RFC1: variants seen among roughly 807,000 people sequenced by gnomAD.
The protein encoded by RFC1 is A1 140 kDa subunit.
A neutral mutation model predicts 137.4 loss-of-function variants in RFC1; 37 were observed. The ratio of observed to expected loss-of-function variants is 0.27; its 90% confidence interval spans 0.21 to 0.35. The LOEUF (loss-of-function observed/expected upper bound fraction) is 0.35. RFC1 is among the 10% of genes least tolerant of loss of function. RFC1 has a pLI of 1.00. For synonymous variants in RFC1, 429 were observed against 455.7 expected (o/e 0.94, Z 0.75); for missense variants, 1,205 against 1,358.5 (o/e 0.89, Z 1.78).
rs779956869 is a variant in RFC1, at chr4:39,312,800, T to G, written c.1335A>C (p.Thr445=). Reference sequence around the variant, plus strand: ...TATCACGACCCATGACAAGATAATTTGTTTTCTTGCTGACATTTCCTGTTA... The same window carrying G: ...TATCACGACCCATGACAAGATAATTGGTTTTCTTGCTGACATTTCCTGTTA... ...GKVTGNVSKK[T]NYLVMGRDSG... The change falls in exon 11 of 25, where the codon ACA becomes ACC. Residue 445 remains threonine, a synonymous_variant. Transcript: ENST00000349703. The G allele has an allele frequency of 6.2e-7, 1 of 1,614,142 alleles. No homozygotes were observed. The highest frequency in any genetic ancestry group is 2.2e-5 in the East Asian group (1 of 44,878).
Position 39,312,907 on chromosome 4 carries a change from G to A in RFC1, c.1228C>T (p.Leu410Phe). The A allele has an allele frequency of 6.2e-7, 1 of 1,612,190 alleles. No individual in the cohort carries two copies. The highest frequency in any genetic ancestry group is 8.5e-7 in the Non-Finnish European group (1 of 1,178,898). ...AGCACGCCTGTGATTACAAATATAAGGCCTTCCAAGCAATTTTCAGCTCCC... is the reference window on the plus strand; with the variant it reads ...AGCACGCCTGTGATTACAAATATAAAGCCTTCCAAGCAATTTTCAGCTCCC... ...PKGAENCLEG[L>F]IFVITGVLES... Residue 410 changes from leucine to phenylalanine, a missense_variant, in exon 11 of 25, where the codon CTT becomes TTT. Coordinates refer to ENST00000349703, the MANE Select transcript of RFC1 (RefSeq NM_002913.5).
intron 13 of RFC1, among the ~76,000 whole-genome samples, 168 bp from the exon 14 acceptor site, chr4:39,306,869 A>G (rs1284621834): frequency 6.6e-6 from 1 of 152,368 alleles, no homozygotes; most frequent in East Asian, 1.9e-4. Context: ...CAGAGCATTC[A>G]GTGAAATTCT....
In RFC1 at chr4:39,287,692, T is replaced by C. The variant is rs1349411971; in HGVS notation, c.*1069A>G. ...AACAAGATTAAAAAATAGCTAGACA[T>C]CTAAATTCCAGGCTAGGTCCATAGC... On this transcript the variant is annotated 3_prime_UTR_variant, in exon 25 of 25. Coordinates refer to ENST00000349703, the MANE Select transcript of RFC1 (RefSeq NM_002913.5). 1 of 152,068 alleles carries C rather than the reference T, an allele frequency of 6.6e-6. No homozygotes were observed. The highest frequency in any genetic ancestry group is 1.9e-4 in the East Asian group (1 of 5,196). 9.4% of individuals were successfully genotyped at this position (152,068 alleles called of 1,614,324 possible).
chr4:39,351,570 G>GTAATTTT, intron 1 of RFC1, 94 bp from the exon 2 acceptor site: 1 of 1,094,604 alleles, frequency 9.1e-7, no homozygotes, highest in Non-Finnish European at 1.2e-6. Context: ...GTACACACTG[G>GTAATTTT]GTTACCCTGA....
rs964088080 is a variant in RFC1 at position 39,338,294 on chromosome 4, A to G, written c.331+4051T>C. Among the ~76,000 whole-genome samples the G allele has an allele frequency of 6.6e-5, 10 of 152,352 alleles. No homozygotes were observed. The East Asian group carries it at 1.9e-3, about 29-fold the overall frequency. Reference sequence around the variant, plus strand: ...ATGAAAAATATTTCTCATGGAGTGAAACGGAAAGCCTAAAAATCTGTATAA... The same window carrying G: ...ATGAAAAATATTTCTCATGGAGTGAGACGGAAAGCCTAAAAATCTGTATAA... On this transcript the variant is annotated intron_variant, in intron 4 of 24. Coordinates refer to ENST00000349703, the MANE Select transcript of RFC1 (RefSeq NM_002913.5).
chr4:39,355,599 T>C (rs2109768582), intron 1 of RFC1, among the ~76,000 whole-genome samples: 1 of 152,236 alleles, frequency 6.6e-6, no homozygotes, highest in East Asian at 1.9e-4. Context: ...AGCAGATAAG[T>C]TAAAACTTGA....
intron 14 of RFC1, 23 bp downstream of exon 14, chr4:39,306,569 C>A (rs1458285481): frequency 2.2e-6 from 3 of 1,374,834 alleles, no homozygotes; most frequent in South Asian, 1.2e-5. Flanking sequence ...ATCTGTCCGA[C>A]CACACTGTGA....
At chr4:39,365,943 A>G (rs1405126151) in intron 1 of RFC1, among the ~76,000 whole-genome samples, 1 of 152,164 alleles carries the variant, frequency 6.6e-6, no homozygotes, top group East Asian at 1.9e-4. Flanking sequence ...TCCCAAAACC[A>G]CCATCCTTCC....
chr4:39,360,097 T>A (rs1741676144), intron 1 of RFC1, among the ~76,000 whole-genome samples: 1 of 152,188 alleles, frequency 6.6e-6, no homozygotes. Context: ...CCGGGTGCAG[T>A]GGCTGACACC....
In RFC1 at chr4:39,327,628, G is replaced by T; in HGVS notation, c.460C>A (p.Pro154Thr). 1 of 1,613,568 alleles carries T rather than the reference G, an allele frequency of 6.2e-7. No homozygotes were observed. ...GGTGTAAGTTTTATTGGTGATAAAG[G>T]CTTATTCTTGGTCTTAGTGTTTTCT... Reference protein sequence around the residue: ...NEENTKTKNKPLSPIKLTPTS... With the variant: ...NEENTKTKNKTLSPIKLTPTS... The change falls in exon 5 of 25, where the codon CCT becomes ACT. Residue 154 changes from proline (P) to threonine (T), a missense_variant. By Grantham distance (38) the Pro-to-Thr change is conservative. Around this residue, in one of 3 missense-constraint regions of RFC1, gnomAD observed 962 missense variants for 1,035.3 expected, o/e 0.93. Transcript: ENST00000349703.
chr4:39,363,898 AAAAAG>A (rs1285020213), intron 1 of RFC1, among the ~76,000 whole-genome samples: 9 of 89,010 alleles, frequency 1.0e-4, no homozygotes, highest in Admixed American at 2.8e-4. Context: ...AAAAAAAAAA[AAAAAG>A]AAGAAGAAGA....
At chr4:39,366,177 C>CCA in intron 1 of RFC1, 62 bp downstream of exon 1, 1 of 1,533,322 alleles carries the variant, frequency 6.5e-7, no homozygotes. Flanking sequence ...AGTGCCCGGT[C>CCA]CACACCAGGC....
chr4:39,354,841 G>A (rs575757102), intron 1 of RFC1, among the ~76,000 whole-genome samples: 4 of 151,294 alleles, frequency 2.6e-5, no homozygotes, highest in African/African-American at 9.7e-5. Context: ...CCGGCACTTT[G>A]GAGGCCGAGG....
At chr4:39,348,988 G>A (rs1048775996) in intron 2 of RFC1, among the ~76,000 whole-genome samples, 1 of 152,186 alleles carries the variant, frequency 6.6e-6, no homozygotes, top group Non-Finnish European at 1.5e-5. Context: ...CTTTGGAATG[G>A]TAATGTCTAT....
chr4:39,288,992 C>T (rs986490151), intron 24 of RFC1, 148 bp from the exon 25 acceptor site: 1 of 631,326 alleles, frequency 1.6e-6, no homozygotes, highest in Non-Finnish European at 2.8e-6. Flanking sequence ...ACTACTGCAA[C>T]CCATGAAGCG....
chr4:39,356,060 C>T (rs570203648), intron 1 of RFC1: 2 of 149,552 alleles, frequency 1.3e-5, no homozygotes, highest in Non-Finnish European at 3.0e-5. Context: ...GCCACACTTA[C>T]CAAAATTTTA....
At chr4:39,364,993 A>G (rs1741949068) in intron 1 of RFC1, among the ~76,000 whole-genome samples, 1 of 152,036 alleles carries the variant, frequency 6.6e-6, no homozygotes, top group South Asian at 2.1e-4. Context: ...TGGCCTCCAA[A>G]ATGTAATGAT....
intron 12 of RFC1, among the ~76,000 whole-genome samples, chr4:39,310,063 T>C (rs1231838601): frequency 1.3e-5 from 2 of 152,192 alleles, no homozygotes; most frequent in East Asian, 1.9e-4. Flanking sequence ...TAAGACGTTA[T>C]TGACATCCTG....
intron 1 of RFC1, among the ~76,000 whole-genome samples, chr4:39,356,438 C>T (rs11096995): frequency 0.91 from 138,052 of 152,236 alleles, 64,127 homozygotes; most frequent in East Asian, 1. Context: ...AACGGTTATT[C>T]CTCAGGCCAC....
Sources: allele counts gnomAD v4.1 joint callset (sites outside exome capture counted in the v4.1 genomes callset), GRCh38; gene constraint gnomAD v4.1.1; regional missense constraint gnomAD v4.1.1; transcripts MANE v1.5; gene names NCBI Gene and HGNC (gene_info 2026-07-23, HGNC 2026-07-21).